Variants in WDFY4 observed in about 807,000 individuals in gnomAD.
WDFY4 encodes WD repeat- and FYVE domain-containing protein 4.
In WDFY4, 169 loss-of-function variants were observed where a neutral mutation model predicts 351.9. That is an observed-to-expected ratio of 0.48 (90% CI 0.42 to 0.55). The LOEUF (loss-of-function observed/expected upper bound fraction) is 0.55. Among genes scored for constraint, WDFY4 ranks in the 20% least tolerant of loss-of-function variants. The pLI is 0.00. For missense variants in WDFY4, 3,803 were observed against 3,935.6 expected (o/e 0.97, Z 0.90); for synonymous variants, 1,622 against 1,574.6 (o/e 1.03, Z -0.71).
intron 21 of WDFY4, 110 bp downstream of exon 21, chr10:48,788,785 G>C (rs185398048): frequency 2.3e-5 from 30 of 1,332,948 alleles, no homozygotes; most frequent in Non-Finnish European, 2.8e-5. Context: ...TGTGTAGATG[G>C]ATACACAAAT....
chr10:48,742,745 T>C (rs1298895092), intron 11 of WDFY4, among the ~76,000 whole-genome samples: 1 of 152,212 alleles, frequency 6.6e-6, no homozygotes, highest in African/African-American at 2.4e-5. Context: ...AACAGGACAG[T>C]TAAATCAACC....
intron 1 of WDFY4, among the ~76,000 whole-genome samples, chr10:48,692,117 G>A (rs1330978309): frequency 6.6e-6 from 1 of 152,244 alleles, no homozygotes; most frequent in Non-Finnish European, 1.5e-5. Flanking sequence ...TCCAATGTAT[G>A]CATAGCAGCT....
At chr10:48,727,401 A>G in intron 6 of WDFY4, 69 bp from the exon 7 acceptor site, 1 of 1,434,960 alleles carries the variant, frequency 7.0e-7, no homozygotes, top group Non-Finnish European at 9.5e-7. Context: ...TAGGGGAGGT[A>G]GGTGGACCAT....
At chr10:48,865,193 G>A (rs1454881066) in intron 39 of WDFY4, among the ~76,000 whole-genome samples, 1 of 152,128 alleles carries the variant, frequency 6.6e-6, no homozygotes, top group African/African-American at 2.4e-5. Context: ...TATAATGTTG[G>A]CTGTGGACTT....
chr10:48,977,596 G>A (rs540441107), intron 59 of WDFY4, among the ~76,000 whole-genome samples: 2 of 152,230 alleles, frequency 1.3e-5, no homozygotes, highest in African/African-American at 2.4e-5. Flanking sequence ...GGGCTTGGTG[G>A]GGTGTGGCCC....
intron 39 of WDFY4, among the ~76,000 whole-genome samples, chr10:48,842,849 G>A (rs749831998): frequency 1.1e-4 from 17 of 152,150 alleles, no homozygotes; most frequent in South Asian, 2.1e-4. Flanking sequence ...TACAACTGTC[G>A]CTGAAGGAGG....
chr10:48,784,222 G>T (rs1211930299), intron 19 of WDFY4, among the ~76,000 whole-genome samples: 2 of 152,148 alleles, frequency 1.3e-5, no homozygotes, highest in Non-Finnish European at 2.9e-5. Context: ...TCAATTGCTG[G>T]TTTCTATGGT....
intron 45 of WDFY4, among the ~76,000 whole-genome samples, chr10:48,899,784 G>C (rs1174110284): frequency 2.0e-5 from 3 of 152,150 alleles, no homozygotes; most frequent in African/African-American, 7.2e-5. Flanking sequence ...CTCGGCAGGG[G>C]ACCCTGTGCT....
At chr10:48,738,233 G>T (rs546521522) in intron 11 of WDFY4, among the ~76,000 whole-genome samples, 5 of 152,346 alleles carry the variant, frequency 3.3e-5, no homozygotes, top group Admixed American at 3.3e-4. Context: ...GTAGAAAAGA[G>T]TGATCTGCTT....
intron 51 of WDFY4, among the ~76,000 whole-genome samples, chr10:48,956,625 G>A (rs528405791): frequency 1.3e-5 from 2 of 152,128 alleles, no homozygotes; most frequent in East Asian, 1.9e-4. Context: ...ACTCACTTCC[G>A]GGGCGCCTCT....
At chr10:48,831,247 G>A (rs1164859797) in intron 38 of WDFY4, among the ~76,000 whole-genome samples, 1 of 152,142 alleles carries the variant, frequency 6.6e-6, no homozygotes. Context: ...CAATGTCCTT[G>A]AGCTTAGGTT....
chr10:48,980,265 G>A (rs1271999801), intron 60 of WDFY4: 1 of 149,694 alleles, frequency 6.7e-6, no homozygotes, highest in Admixed American at 6.8e-5. Flanking sequence ...TAAACTGCTG[G>A]AGGTCTCTAA....
At chr10:48,843,052 A>G (rs1430911521) in intron 39 of WDFY4, among the ~76,000 whole-genome samples, 6 of 152,340 alleles carry the variant, frequency 3.9e-5, no homozygotes, top group South Asian at 2.1e-4. Context: ...AATCAATGGA[A>G]TGTTCTCATC....
chr10:48,937,370 A>G (rs1399638813), intron 47 of WDFY4, among the ~76,000 whole-genome samples: 1 of 152,128 alleles, frequency 6.6e-6, no homozygotes, highest in Admixed American at 6.5e-5. Context: ...GTTTGTTTGC[A>G]TTTGTTTTCT....
intron 17 of WDFY4, among the ~76,000 whole-genome samples, chr10:48,777,885 A>G (rs2066085983): frequency 6.6e-6 from 1 of 152,176 alleles, no homozygotes; most frequent in Non-Finnish European, 1.5e-5. Flanking sequence ...ATAGCTAGGG[A>G]CTCAATTGAC....
chr10:48,842,251 AACAGCCC>A (rs550656111), intron 39 of WDFY4, among the ~76,000 whole-genome samples: 3 of 152,034 alleles, frequency 2.0e-5, no homozygotes, highest in Middle Eastern at 3.4e-3. Flanking sequence ...CAGAACCACT[AACAGCCC>A]ATCAATGTGG....
chr10:48,724,185 G>A (rs1435326123), intron 5 of WDFY4, among the ~76,000 whole-genome samples: 1 of 152,144 alleles, frequency 6.6e-6, no homozygotes, highest in Non-Finnish European at 1.5e-5. Flanking sequence ...GCTTGCAGGG[G>A]ACGGTATGGA....
chr10:48,724,785 G>C (rs1589458855), intron 5 of WDFY4, among the ~76,000 whole-genome samples: 1 of 152,144 alleles, frequency 6.6e-6, no homozygotes, highest in African/African-American at 2.4e-5. Flanking sequence ...AGTCAAACAA[G>C]GGGAAAACAA....
intron 38 of WDFY4, 94 bp downstream of exon 38, chr10:48,830,979 A>T (rs892198030): frequency 8.0e-7 from 1 of 1,249,880 alleles, no homozygotes; most frequent in Non-Finnish European, 1.1e-6. Context: ...AGCCTTTTCC[A>T]CCTGGACCCT....
Sources: allele counts gnomAD v4.1 joint callset (sites outside exome capture counted in the v4.1 genomes callset), GRCh38; gene constraint gnomAD v4.1.1; transcripts MANE v1.5; gene names NCBI Gene and HGNC (gene_info 2026-07-23, HGNC 2026-07-21).